Variants in NME6 observed in about 807,000 individuals in gnomAD.
NME6 encodes the protein nucleoside diphosphate kinase 6, mitochondrial.
NME6 carries 16 observed loss-of-function variants against 22.2 expected under a neutral mutation model. The observed-to-expected ratio is 0.72, with a 90% CI of 0.49 to 1.09. The LOEUF is 1.09. NME6 is among the 50% of genes least tolerant of loss of function. The probability of loss-of-function intolerance (pLI) is 0.00; values close to 1 mark genes in which losing one functional copy is unlikely to be tolerated. For synonymous variants in NME6, 58 were observed against 85.2 expected (o/e 0.68, Z 1.76); for missense variants, 229 against 239.0 (o/e 0.96, Z 0.28).
chr3:48,295,666 C>T (rs1443423752), intron 4 of NME6: 16 of 241,480 alleles, frequency 6.6e-5, no homozygotes, highest in Admixed American at 2.6e-4. Context: ...CTCAGCTTCC[C>T]GAGTAGTTGG....
At position 48,294,754 on chromosome 3, in the gene NME6, G is replaced by A; in HGVS notation, c.444C>T (p.Phe148=). Residue 148 remains phenylalanine, a synonymous_variant, in exon 6 of 6, where the codon TTC becomes TTT. Transcript: ENST00000442597. ...SREIAAFFPD[F]SEQRWYEEEE... The stretch of plus-strand genomic sequence containing the variant: ...CCTCCTCATACCAGCGCTGTTCACT[G>A]AAGTCAGGGAAGAAGGCTGCAATCT... 1.2e-6 allele frequency: 2 copies of A among 1,614,184 alleles called. No homozygotes were observed. The highest frequency in any genetic ancestry group is 1.7e-6 in the Non-Finnish European group (2 of 1,180,030).
downstream of NME6, chr3:48,291,123 C>T (rs1343955029): frequency 1.0e-5 from 3 of 296,006 alleles, no homozygotes; most frequent in South Asian, 6.7e-5. Flanking sequence ...TCACTGATTG[C>T]AGTATGTCTT....
intron 1 of NME6, chr3:48,300,243 C>T (rs1320928413): frequency 2.2e-6 from 1 of 456,632 alleles, no homozygotes; most frequent in Non-Finnish European, 4.4e-6. Context: ...CACGGCCTCC[C>T]AGGCTCTGCA....
chr3:48,298,987 G>A, intron 1 of NME6: 1 of 702,986 alleles, frequency 1.4e-6, no homozygotes, highest in Non-Finnish European at 2.6e-6. Flanking sequence ...TTGGAAGATT[G>A]ATGGACAGCA....
chr3:48,299,956 G>A lies in NME6; in HGVS notation c.-8+1397C>T, dbSNP rs115772537. On this transcript the variant is annotated intron_variant, in intron 1 of 5. Transcript: ENST00000442597. ...CCTCCCTCACTCTTCATATCCACACGATCACCAACTTCTGGCAATTTTCCC... is the reference window on the plus strand; with the variant it reads ...CCTCCCTCACTCTTCATATCCACACAATCACCAACTTCTGGCAATTTTCCC... 1.1e-3 allele frequency among the ~76,000 whole-genome samples: 173 copies of A among 152,108 alleles called. 1 individual carries two copies. The highest frequency in any genetic ancestry group is 3.9e-3 in the African/African-American group (161 of 41,488).
At chr3:48,296,218 T>C (rs1228888392) in intron 3 of NME6, 60 bp from the exon 4 acceptor site, 2 of 1,612,228 alleles carry the variant, frequency 1.2e-6, no homozygotes, top group Non-Finnish European at 1.7e-6. Flanking sequence ...GGCAACTTTC[T>C]GTACTTCTAC....
At position 48,294,106 on chromosome 3, in the gene NME6, A is replaced by T. The variant is rs2034789164; in HGVS notation, c.*531T>A. On this transcript the variant is annotated 3_prime_UTR_variant, in exon 6 of 6. Coordinates refer to ENST00000442597, the MANE Select transcript of NME6 (RefSeq NM_001308426.2). The stretch of plus-strand genomic sequence containing the variant: ...GCTTCTTTTTTTTTTTTTTTGAGAC[A>T]GAATGTCGCCCAGGCTGGAGTGCAA... The T allele has an allele frequency of 6.7e-6, 1 of 150,026 alleles. No homozygotes were observed. 9.3% of individuals were successfully genotyped at this position (150,026 alleles called of 1,614,324 possible). A position where few individuals can be genotyped will look rare whatever the true frequency, so the allele number is the denominator to read the frequency against.
chr3:48,297,361 C>CTTCTGTG (rs1247116136), intron 2 of NME6: 1 of 153,238 alleles, frequency 6.5e-6, no homozygotes, highest in East Asian at 1.9e-4. Context: ...CAGCGTCTCC[C>CTTCTGTG]TTCTGTGCAA....
intron 4 of NME6, chr3:48,295,485 A>T: frequency 2.1e-6 from 1 of 466,546 alleles, no homozygotes; most frequent in Non-Finnish European, 3.8e-6. Flanking sequence ...GGTGCCTAAC[A>T]GGTCAGCATC....
intron 1 of NME6, 156 bp downstream of exon 1, chr3:48,301,196 GC>G: frequency 7.7e-6 from 11 of 1,426,808 alleles, no homozygotes; most frequent in African/African-American, 2.9e-5. Context: ...ACGCCCTCCA[GC>G]CCCCCGGGCT....
intron 2 of NME6, chr3:48,298,218 T>C: frequency 1.7e-6 from 1 of 600,118 alleles, no homozygotes; most frequent in Admixed American, 2.9e-5. Context: ...TCGGTTCTAT[T>C]ATTGCTTTGG....
chr3:48,287,932 A>G (rs971925804), downstream of NME6, among the ~76,000 whole-genome samples: 1 of 151,936 alleles, frequency 6.6e-6, no homozygotes, highest in Non-Finnish European at 1.5e-5. Flanking sequence ...AGGAAGGGGG[A>G]GGAGGTGTTG....
chr3:48,297,154 G>A (rs1481645992), intron 2 of NME6, among the ~76,000 whole-genome samples: 1 of 152,174 alleles, frequency 6.6e-6, no homozygotes, highest in East Asian at 1.9e-4. Context: ...CATCACACTT[G>A]ATAGATGAGA....
At chr3:48,297,929 A>G (rs1281460146) in intron 2 of NME6, 1 of 167,654 alleles carries the variant, frequency 6.0e-6, no homozygotes, top group Non-Finnish European at 1.3e-5. Flanking sequence ...CAACAGGGAA[A>G]TGGCAGCCTC....
chr3:48,295,280 T>A (rs760452391), intron 4 of NME6, 45 bp from the exon 5 acceptor site: 1 of 1,572,436 alleles, frequency 6.4e-7, no homozygotes, highest in Non-Finnish European at 8.7e-7. Context: ...CCATCTAGAC[T>A]AGGAGGGTGT....
At position 48,296,156 on chromosome 3, in the gene NME6, G is replaced by T. The variant is rs752089538; in HGVS notation, c.196C>A (p.Arg66Ser). 2 of 1,614,102 alleles carry T rather than the reference G, an allele frequency of 1.2e-6. No individual in the cohort carries two copies. Among genetic ancestry groups the T allele is most frequent in the Non-Finnish European group, 1.7e-6 (2 of 1,179,986 alleles). The change falls in exon 4 of 6, where the codon CGT (arginine) becomes AGT (serine). Residue 66 changes from arginine (R) to serine (S), a missense_variant and splice_region_variant. Transcript: ENST00000442597. ...TCCACCAGCCTCTGATAGAAAAAACGCCCTGCAAAGAGAGAGGACCTTCAT... is the reference window on the plus strand; with the variant it reads ...TCCACCAGCCTCTGATAGAAAAAACTCCCTGCAAAGAGAGAGGACCTTCAT... Reference protein sequence around the residue: ...CQRFYREHEGRFFYQRLVEFM... With the variant: ...CQRFYREHEGSFFYQRLVEFM...
At chr3:48,289,394 T>C (rs148667980), downstream of NME6, among the ~76,000 whole-genome samples, 7 of 151,990 alleles carry the variant, frequency 4.6e-5, no homozygotes, top group East Asian at 1.2e-3. Flanking sequence ...TTTTAATGTG[T>C]GTGGAAAGGT....
Position 48,296,621 on chromosome 3 carries a change from T to C in NME6, c.193+106A>G, listed in dbSNP as rs892008603. 6 of 757,962 alleles carry C rather than the reference T, an allele frequency of 7.9e-6. No homozygotes were observed. The African/African-American group carries it at 8.7e-5, about 11-fold the overall frequency. 47.0% of individuals were successfully genotyped at this position (757,962 alleles called of 1,614,324 possible). ...GATTTTAGAAAACTGGCTGCAACTG[T>C]ACACGGTTGGTAGGTCAGAGAGCCT... On this transcript the variant is annotated intron_variant, in intron 3 of 5. Transcript: ENST00000442597.
intron 4 of NME6, 99 bp from the exon 5 acceptor site, chr3:48,295,334 A>C (rs545552118): frequency 1.5e-6 from 2 of 1,338,426 alleles, no homozygotes; most frequent in African/African-American, 2.9e-5. Context: ...ACGTTCTGAG[A>C]GTTTTCCTGC....
Sources: gnomAD v4.1 joint callset for allele counts (sites outside exome capture counted in the v4.1 genomes callset) on GRCh38, gnomAD v4.1.1 for gene constraint, MANE v1.5 for transcripts, NCBI Gene and HGNC (gene_info 2026-07-23, HGNC 2026-07-21) for gene names.